Variants in ZZEF1 observed in about 807,000 individuals in gnomAD.
ZZEF1 encodes zinc finger ZZ-type and EF-hand domain-containing protein 1.
In ZZEF1, 157 loss-of-function variants were observed where a neutral mutation model predicts 342.8. The observed-to-expected ratio is 0.46, with a 90% CI of 0.40 to 0.52. The LOEUF is 0.52. Among genes scored for constraint, ZZEF1 ranks in the 20% least tolerant of loss-of-function variants. The probability of loss-of-function intolerance (pLI) is 0.00; values close to 1 mark genes in which losing one functional copy is unlikely to be tolerated. For synonymous variants in ZZEF1, 1,505 were observed against 1,429.1 expected (o/e 1.05, Z -1.20); for missense variants, 3,480 against 3,725.6 (o/e 0.93, Z 1.72).
In ZZEF1 at chr17:4,027,542, G is replaced by A. The variant is rs187953353; in HGVS notation, c.6893-2424C>T. Among the ~76,000 whole-genome samples, 710 of 147,838 alleles carry A rather than the reference G, an allele frequency of 4.8e-3. 6 individuals are homozygous for A. The highest frequency in any genetic ancestry group is 0.017 in the African/African-American group (689 of 39,926). On this transcript the variant is annotated intron_variant, in intron 42 of 54. Coordinates refer to ENST00000381638, the MANE Select transcript of ZZEF1 (RefSeq NM_015113.4). Reference sequence around the variant, plus strand: ...ACTCCTGACCTCAAGTGATCAGCCCGCCTCGGCCTCCCAAAGTGCTGGGAT... The same window carrying A: ...ACTCCTGACCTCAAGTGATCAGCCCACCTCGGCCTCCCAAAGTGCTGGGAT...
Position 4,056,219 on chromosome 17 carries a change from C to T in ZZEF1, c.5292G>A (p.Arg1764=), listed in dbSNP as rs1426186675. 1.1e-5 allele frequency: 17 copies of T among 1,584,488 alleles called. No individual in the cohort carries two copies. Among genetic ancestry groups the T allele is most frequent in the Non-Finnish European group, 1.1e-5 (13 of 1,165,342 alleles). ...TACTCTAGTTGAGAGGTCTTACTTT[C>T]CTCTGCTTCTCTGGATCTTCCTGGG... is the stretch of plus-strand genomic sequence containing the variant. The part of the protein sequence containing the change: ...KIAQEDPEKQ[R]KMHMFIARYC... The change falls in exon 33 of 55, where the codon AGG becomes AGA. Residue 1764 remains arginine (R), a synonymous_variant. Transcript: ENST00000381638.
chr17:4,032,536 A>T (rs2056571493), intron 41 of ZZEF1, among the ~76,000 whole-genome samples: 1 of 152,242 alleles, frequency 6.6e-6, no homozygotes, highest in Non-Finnish European at 1.5e-5. Context: ...TGCCAAAATG[A>T]AAGACAATTT....
At chr17:4,043,375 T>C (rs529554328) in intron 38 of ZZEF1, among the ~76,000 whole-genome samples, 13 of 152,276 alleles carry the variant, frequency 8.5e-5, no homozygotes, top group African/African-American at 3.1e-4. Context: ...ATGTGGAGTG[T>C]CAGACTGTTT....
At chr17:4,083,456 T>G (rs2057761600) in intron 16 of ZZEF1, among the ~76,000 whole-genome samples, 1 of 152,160 alleles carries the variant, frequency 6.6e-6, no homozygotes, top group African/African-American at 2.4e-5. Flanking sequence ...GCAAATTTTA[T>G]ATATAGCTGG....
In ZZEF1 at chr17:4,085,799, C is replaced by T. The variant is rs1440088306; in HGVS notation, c.2517G>A (p.Val839=). 6 of 1,613,856 alleles carry T rather than the reference C, an allele frequency of 3.7e-6. No homozygotes were observed. The African/African-American group carries it at 4.0e-5, about 11-fold the overall frequency. ...GCACAGAGTCTCCATCCACCTTGTCCACCACTGATAAAATGAACAATGGCA... is the reference window on the plus strand; with the variant it reads ...GCACAGAGTCTCCATCCACCTTGTCTACCACTGATAAAATGAACAATGGCA... The part of the protein sequence containing the change: ...KELYTHLCDV[V]DKVDGDSVPM... The change falls in exon 16 of 55, where the codon GTG becomes GTA. Residue 839 remains valine (V), a synonymous_variant. Transcript: ENST00000381638.
intron 21 of ZZEF1, chr17:4,076,137 C>CTTTTCTTTTTTTT (rs2057611630): frequency 8.2e-5 from 10 of 122,190 alleles, no homozygotes; most frequent in African/African-American, 2.6e-4. Context: ...CGTCTCCTTT[C>CTTTTCTTTTTTTT]TTTTTTTTTT....
At chr17:4,114,010 C>T (rs1326445437) in intron 4 of ZZEF1, among the ~76,000 whole-genome samples, 2 of 151,950 alleles carry the variant, frequency 1.3e-5, no homozygotes, top group East Asian at 3.9e-4. Flanking sequence ...TTTCAAAATA[C>T]AGTCACATGT....
rs1346154699 is a variant in ZZEF1 at position 4,112,022 on chromosome 17, G to T, written c.1066+587C>A. ...CACTCCAGCCTGGGTGACAAAAAGA[G>T]ATCCTGTCTAAATATATATATATAT... On this transcript the variant is annotated intron_variant, in intron 5 of 54. Transcript: ENST00000381638. Among the ~76,000 whole-genome samples the T allele has an allele frequency of 1.2e-4, 10 of 83,218 alleles. 1 individual carries two copies. Among genetic ancestry groups the T allele is most frequent in the Non-Finnish European group, 2.2e-4 (9 of 41,528 alleles). 54.6% of individuals were successfully genotyped at this position (83,218 alleles called of 152,430 possible). A position where few individuals can be genotyped will look rare whatever the true frequency, so the allele number is the denominator to read the frequency against.
At chr17:4,092,076 CAAAAA>C (rs764233105) in intron 11 of ZZEF1, among the ~76,000 whole-genome samples, 1 of 29,658 alleles carries the variant, frequency 3.4e-5, no homozygotes, top group African/African-American at 1.0e-4. Context: ...AACTCCACCT[CAAAAA>C]AAAAAAAAAT....
intron 32 of ZZEF1, 112 bp downstream of exon 32, chr17:4,057,882 G>A (rs1597826116): frequency 8.7e-7 from 1 of 1,146,210 alleles, no homozygotes; most frequent in Non-Finnish European, 1.2e-6. Flanking sequence ...GCAAAGCCAA[G>A]ATATGACACA....
chr17:4,132,146 T>C (rs762054016), intron 1 of ZZEF1, among the ~76,000 whole-genome samples: 15 of 151,980 alleles, frequency 9.9e-5, no homozygotes, highest in Middle Eastern at 3.2e-3. Context: ...TCAAGTCCTG[T>C]CGGCTATATA....
chr17:4,070,126 G>C (rs778082704), intron 26 of ZZEF1, among the ~76,000 whole-genome samples: 2 of 152,296 alleles, frequency 1.3e-5, no homozygotes, highest in Non-Finnish European at 2.9e-5. Flanking sequence ...TGAGGAGAAG[G>C]TTATCAGCAA....
At chr17:4,084,116 C>T (rs571092158) in intron 16 of ZZEF1, among the ~76,000 whole-genome samples, 1 of 152,280 alleles carries the variant, frequency 6.6e-6, no homozygotes, top group African/African-American at 2.4e-5. Context: ...TGTCTTATTC[C>T]GCATTTTGAG....
intron 38 of ZZEF1, among the ~76,000 whole-genome samples, chr17:4,043,324 C>A (rs2056842630): frequency 6.6e-6 from 1 of 152,198 alleles, no homozygotes; most frequent in Non-Finnish European, 1.5e-5. Flanking sequence ...TGCTGATCCT[C>A]AGGGGAATGA....
At chr17:4,124,980 C>T (rs1416115880) in intron 1 of ZZEF1, among the ~76,000 whole-genome samples, 1 of 152,210 alleles carries the variant, frequency 6.6e-6, no homozygotes, top group African/African-American at 2.4e-5. Context: ...GCTTCTTGAT[C>T]TGAAAGATGC....
chr17:4,085,652 A>G lies in ZZEF1; in HGVS notation c.2646+18T>C. 6.2e-7 allele frequency: 1 copy of G among 1,613,292 alleles called. No individual in the cohort carries two copies. The highest frequency in any genetic ancestry group is 8.5e-7 in the Non-Finnish European group (1 of 1,179,484). ...CACAGACTTCAGACATTGAATCCAG[A>G]CTTTTAGTAATAATTACCATCATGG... On this transcript the variant is annotated intron_variant, in intron 16 of 54. Transcript: ENST00000381638.
chr17:4,109,529 C>T lies in ZZEF1; in HGVS notation c.1277+124G>A, dbSNP rs1043927042. The T allele has an allele frequency of 1.0e-5, 10 of 979,266 alleles. No homozygotes were observed. The Admixed American group carries it at 1.1e-4, about 10-fold the overall frequency. 60.7% of individuals were successfully genotyped at this position (979,266 alleles called of 1,614,324 possible). A position where few individuals can be genotyped will look rare whatever the true frequency, so the allele number is the denominator to read the frequency against. On this transcript the variant is annotated intron_variant, in intron 6 of 54. Coordinates refer to ENST00000381638, the MANE Select transcript of ZZEF1 (RefSeq NM_015113.4). ...GGCACGAACAGGAAACACTAGGGCA[C>T]CTGAGGCCGAGCTGACTGAGCCACA...
intron 30 of ZZEF1, 26 bp from the exon 31 acceptor site, chr17:4,059,316 C>A (rs1482811921): frequency 1.3e-6 from 2 of 1,584,610 alleles, no homozygotes; most frequent in Admixed American, 2.0e-5. Flanking sequence ...ATCACTGATT[C>A]ACTTAATTGC....
Position 4,080,632 on chromosome 17 carries a change from C to CA in ZZEF1, c.2829+743_2829+744insT, listed in dbSNP as rs1321517537. On this transcript the variant is annotated intron_variant, in intron 18 of 54. Coordinates refer to ENST00000381638, the MANE Select transcript of ZZEF1 (RefSeq NM_015113.4). ...CTTGAACTCCCGACCTCAGGTGATC[C>CA]GCCCACCTTGGCCTCCCAAAGTGCT... is the stretch of plus-strand genomic sequence containing the variant. Among the ~76,000 whole-genome samples the CA allele has an allele frequency of 1.1e-4, 16 of 152,260 alleles. No individual in the cohort carries two copies. The East Asian group carries it at 2.7e-3, about 26-fold the overall frequency.
Sources: allele counts gnomAD v4.1 joint callset (sites outside exome capture counted in the v4.1 genomes callset), GRCh38; gene constraint gnomAD v4.1.1; transcripts MANE v1.5; gene names NCBI Gene and HGNC (gene_info 2026-07-23, HGNC 2026-07-21).